Variants in VCL observed in about 807,000 individuals in gnomAD.
The protein encoded by VCL is epididymis luminal protein 114.
In VCL, 47 loss-of-function variants were observed where a neutral mutation model predicts 125.7. That is an observed-to-expected ratio of 0.37 (90% confidence interval 0.30 to 0.48). The LOEUF (loss-of-function observed/expected upper bound fraction) is 0.48, where lower values mean the gene tolerates loss of function less well. Among genes scored for constraint, VCL ranks in the 20% least tolerant of loss-of-function variants. The pLI, the probability that VCL is intolerant of heterozygous loss-of-function variation, is 0.99. For missense variants in VCL, 1,069 were observed against 1,455.5 expected, an observed-to-expected ratio of 0.73 and a Z score of 4.32; for synonymous variants, 458 against 514.6, an observed-to-expected ratio of 0.89 and a Z score of 1.49.
intron 2 of VCL, 136 bp downstream of exon 2, chr10:74,043,289 TCTAA>T (rs1288569613): frequency 5.1e-6 from 4 of 784,692 alleles, no homozygotes; most frequent in East Asian, 2.6e-5. Context: ...TTTTTTGTCT[TCTAA>T]CTTTTTTAAA....
At chr10:74,052,864 A>G (rs1221708069) in intron 2 of VCL, among the ~76,000 whole-genome samples, 1 of 149,748 alleles carries the variant, frequency 6.7e-6, no homozygotes, top group Non-Finnish European at 1.5e-5. Flanking sequence ...TCTATGGTTT[A>G]CTACATGAAT....
chr10:74,013,418 A>G (rs1840473195), intron 1 of VCL, among the ~76,000 whole-genome samples: 1 of 152,144 alleles, frequency 6.6e-6, no homozygotes. Flanking sequence ...AAAAAAATAA[A>G]CATGGATGTA....
chr10:74,065,160 T>C (rs1433942565), intron 2 of VCL, among the ~76,000 whole-genome samples: 1 of 148,816 alleles, frequency 6.7e-6, no homozygotes, highest in Non-Finnish European at 1.5e-5. Flanking sequence ...TTTTTCAGAC[T>C]GAGTCTCACT....
At chr10:74,098,659 C>T (rs1233397841) in intron 13 of VCL, among the ~76,000 whole-genome samples, 2 of 152,122 alleles carry the variant, frequency 1.3e-5, no homozygotes, top group Non-Finnish European at 2.9e-5. Flanking sequence ...GTATTGGCAG[C>T]GAATGAGAAG....
At chr10:74,032,496 G>C (rs989910420) in intron 1 of VCL, among the ~76,000 whole-genome samples, 1 of 151,830 alleles carries the variant, frequency 6.6e-6, no homozygotes, top group Non-Finnish European at 1.5e-5. Flanking sequence ...TCAGGAGTTT[G>C]AGACCAGCCT....
At chr10:74,019,477 A>T (rs1840620778) in intron 1 of VCL, among the ~76,000 whole-genome samples, 1 of 152,094 alleles carries the variant, frequency 6.6e-6, no homozygotes, top group African/African-American at 2.4e-5. Flanking sequence ...GCTGATGTAT[A>T]AAATTTTGGT....
chr10:74,053,776 A>G (rs10824063), intron 2 of VCL, among the ~76,000 whole-genome samples: 75,962 of 151,674 alleles, frequency 0.5, 20,742 homozygotes, highest in Non-Finnish European at 0.61. Context: ...ATGCCTGGCT[A>G]ATTTTTATAT....
rs376000799 is a variant in VCL, at chr10:74,098,196, C to T, written c.1872+864C>T. Among the ~76,000 whole-genome samples the T allele has an allele frequency of 4.1e-4, 62 of 152,260 alleles. 2 individuals are homozygous for T. Among genetic ancestry groups the T allele is most frequent in the African/African-American group, 1.5e-3 (61 of 41,540 alleles). On this transcript the variant is annotated intron_variant, in intron 13 of 21. Coordinates refer to ENST00000211998, the MANE Select transcript of VCL (RefSeq NM_014000.3). ...GTTCTAATCTTGGGGCCTTTGCACT[C>T]GTTTGTTCCAGTCTTCTCCAGATAA... is the stretch of plus-strand genomic sequence containing the variant.
At chr10:74,090,900 A>G (rs1383594096) in intron 10 of VCL, among the ~76,000 whole-genome samples, 1 of 152,016 alleles carries the variant, frequency 6.6e-6, no homozygotes, top group Non-Finnish European at 1.5e-5. Context: ...TCCCAGGCTC[A>G]AGCCATCCTT....
intron 1 of VCL, among the ~76,000 whole-genome samples, chr10:74,035,195 C>A (rs1439751073): frequency 1.3e-5 from 2 of 151,346 alleles, no homozygotes. Context: ...AGGGAGACAT[C>A]TACATTAACA....
intron 1 of VCL, among the ~76,000 whole-genome samples, chr10:74,036,130 T>G (rs192148159): frequency 5.7e-4 from 87 of 152,358 alleles, no homozygotes; most frequent in African/African-American, 1.9e-3. Context: ...AAGGGTTGTT[T>G]TTAAATACTG....
intron 1 of VCL, among the ~76,000 whole-genome samples, chr10:74,017,291 C>T (rs1475995837): frequency 1.3e-5 from 2 of 151,804 alleles, no homozygotes; most frequent in East Asian, 3.9e-4. Flanking sequence ...TCGTGATCCG[C>T]CCGCCTCGGC....
At chr10:74,012,937 A>G (rs1840462716) in intron 1 of VCL, among the ~76,000 whole-genome samples, 1 of 151,960 alleles carries the variant, frequency 6.6e-6, no homozygotes, top group Non-Finnish European at 1.5e-5. Flanking sequence ...TGTACTTTCT[A>G]TATTTTTTCC....
chr10:74,042,737 T>C (rs993996308), intron 1 of VCL, among the ~76,000 whole-genome samples: 12 of 152,214 alleles, frequency 7.9e-5, no homozygotes, highest in Admixed American at 2.6e-4. Flanking sequence ...TTCATGTACT[T>C]CATGTAACAT....
intron 1 of VCL, among the ~76,000 whole-genome samples, chr10:74,002,266 C>T (rs1322515900): frequency 6.6e-6 from 1 of 152,166 alleles, no homozygotes; most frequent in Non-Finnish European, 1.5e-5. Context: ...GCTGGGATTA[C>T]AGGCATGTGC....
chr10:74,009,100 G>A (rs1012043511), intron 1 of VCL, among the ~76,000 whole-genome samples: 1 of 150,632 alleles, frequency 6.6e-6, no homozygotes, highest in Non-Finnish European at 1.5e-5. Context: ...GCTTTCATGT[G>A]TCTTTCTTTT....
chr10:74,076,589 T>C (rs1191474096), intron 6 of VCL: 5 of 152,634 alleles, frequency 3.3e-5, no homozygotes, highest in Non-Finnish European at 5.9e-5. Flanking sequence ...AGATGCATCA[T>C]TGAGGTTTTA....
chr10:74,019,778 A>C (rs893345480), intron 1 of VCL, among the ~76,000 whole-genome samples: 1 of 152,186 alleles, frequency 6.6e-6, no homozygotes, highest in Non-Finnish European at 1.5e-5. Flanking sequence ...AAAATAACTA[A>C]TTGGCCCGGT....
At chr10:74,083,660 G>A in intron 8 of VCL, 147 bp downstream of exon 8, 1 of 963,312 alleles carries the variant, frequency 1.0e-6, no homozygotes, top group South Asian at 1.5e-5. Context: ...CTTTTGAGAT[G>A]GAGGTGAACT....
Sources: allele counts gnomAD v4.1 joint callset (sites outside exome capture counted in the v4.1 genomes callset), GRCh38; gene constraint gnomAD v4.1.1; transcripts MANE v1.5; gene names NCBI Gene and HGNC (gene_info 2026-07-23, HGNC 2026-07-21).